Variants in LRRIQ3 observed in about 807,000 individuals in gnomAD.
LRRIQ3 encodes leucine rich repeats and IQ motif containing 3, also known as leucine-rich repeat and IQ domain-containing protein 3.
A neutral mutation model predicts 59.3 loss-of-function variants in LRRIQ3; 75 were observed. The observed-to-expected ratio is 1.26, with a 90% CI of 1.05 to 1.53. The LOEUF is 1.53. Ranked by LOEUF, LRRIQ3 falls within the 40% of genes most tolerant of loss-of-function variation. The pLI, the probability that LRRIQ3 is intolerant of heterozygous loss-of-function variation, is 0.00. For synonymous variants in LRRIQ3, 250 were observed against 231.3 expected, an observed-to-expected ratio of 1.08 and a Z score of -0.73; for missense variants, 831 against 710.0, an observed-to-expected ratio of 1.17 and a Z score of -1.94.
At chr1:74,077,170 A>G (rs1199994647) in intron 5 of LRRIQ3, among the ~76,000 whole-genome samples, 1 of 151,962 alleles carries the variant, frequency 6.6e-6, no homozygotes, top group African/African-American at 2.4e-5. Context: ...TTTCAACCTC[A>G]AATTCTTCTG....
intron 6 of LRRIQ3, among the ~76,000 whole-genome samples, chr1:74,044,354 C>T (rs113762424): frequency 1.1e-4 from 17 of 152,062 alleles, no homozygotes; most frequent in Admixed American, 3.9e-4. Flanking sequence ...GGTGCCCTCT[C>T]GTGATAATGA....
At chr1:74,069,456 C>A (rs1370231109) in intron 6 of LRRIQ3, among the ~76,000 whole-genome samples, 2 of 151,604 alleles carry the variant, frequency 1.3e-5, no homozygotes, top group Non-Finnish European at 1.5e-5. Flanking sequence ...AATGTCTGAC[C>A]TACAGTGTTA....
rs184661789 is a variant in LRRIQ3 at position 74,073,287 on chromosome 1, C to T, written c.997+1374G>A. ...CAGCACTTTGGGAGGCCGAGGCAGG[C>T]GATTGCCTGAGCTCAGGAGTTCAAG... is the stretch of plus-strand genomic sequence containing the variant. On this transcript the variant is annotated intron_variant, in intron 6 of 7. Coordinates refer to ENST00000354431, the MANE Select transcript of LRRIQ3 (RefSeq NM_001105659.2). 3.3e-4 allele frequency among the ~76,000 whole-genome samples: 50 copies of T among 152,012 alleles called. 1 individual carries two copies. The East Asian group carries it at 8.0e-3, about 24-fold the overall frequency.
At chr1:74,048,533 C>A (rs1030214394) in intron 6 of LRRIQ3, among the ~76,000 whole-genome samples, 21 of 152,150 alleles carry the variant, frequency 1.4e-4, no homozygotes, top group Admixed American at 1.2e-3. Context: ...TTCCTAGAAT[C>A]ATTTTGATTC....
At chr1:74,051,569 A>G in intron 6 of LRRIQ3, among the ~76,000 whole-genome samples, 1 of 151,776 alleles carries the variant, frequency 6.6e-6, no homozygotes, top group East Asian at 1.9e-4. Context: ...TGCAACCATA[A>G]GTTATCACCA....
chr1:74,092,230 C>G (rs900773187), intron 5 of LRRIQ3, among the ~76,000 whole-genome samples: 10 of 152,050 alleles, frequency 6.6e-5, no homozygotes, highest in African/African-American at 2.4e-4. Flanking sequence ...CAGTCAGTCA[C>G]TAAGTACTGA....
chr1:74,112,658 G>C (rs1457007137), intron 4 of LRRIQ3, among the ~76,000 whole-genome samples: 1 of 152,132 alleles, frequency 6.6e-6, no homozygotes, highest in Non-Finnish European at 1.5e-5. Context: ...AGAGAAGACA[G>C]TCAAAGAAAG....
chr1:74,084,827 T>C (rs1646309849), intron 5 of LRRIQ3, among the ~76,000 whole-genome samples: 1 of 151,798 alleles, frequency 6.6e-6, no homozygotes, highest in African/African-American at 2.4e-5. Flanking sequence ...CATTAATTTA[T>C]CTATGTGATT....
rs1653533185 is a variant in LRRIQ3, at chr1:74,026,951, T to C, written c.1737A>G (p.Lys579=). ...MKKVRSQEIY[K]RHCEEKFVMD... ...TAACAAATTTTTCTTCACAATGTCT[T>C]TTATATATTTCTTGAGATCTAAGAG... Residue 579 remains lysine, a synonymous_variant, in exon 8 of 8, where the codon AAA becomes AAG. Coordinates refer to ENST00000354431, the MANE Select transcript of LRRIQ3 (RefSeq NM_001105659.2). The C allele has an allele frequency of 6.4e-7, 1 of 1,565,772 alleles. No homozygotes were observed.
chr1:74,028,630 A>AGGTAGTAAAG lies in LRRIQ3; in HGVS notation c.1719-1671_1719-1662dup, dbSNP rs1553160551. On this transcript the variant is annotated intron_variant, in intron 7 of 7. Transcript: ENST00000354431. ...AGTGAAGGCTTATAGTTAAGAGTAC[A>AGGTAGTAAAG]GGTAGTAAAGCCATTCTGCTTGGCT... Among the ~76,000 whole-genome samples, 5 of 151,992 alleles carry AGGTAGTAAAG rather than the reference A, an allele frequency of 3.3e-5. No homozygotes were observed. In the South Asian group the frequency reaches 1.0e-3, roughly 31 times the overall value.
chr1:74,085,098 T>G (rs1646313020), intron 5 of LRRIQ3, among the ~76,000 whole-genome samples: 1 of 151,790 alleles, frequency 6.6e-6, no homozygotes, highest in South Asian at 2.1e-4. Context: ...CATACAAATA[T>G]CACAATGATA....
At chr1:74,037,120 A>G (rs1269965247) in intron 7 of LRRIQ3, among the ~76,000 whole-genome samples, 1 of 152,124 alleles carries the variant, frequency 6.6e-6, no homozygotes, top group Non-Finnish European at 1.5e-5. Flanking sequence ...GTTCTCGCCT[A>G]TTTTCCTCAA....
intron 4 of LRRIQ3, among the ~76,000 whole-genome samples, chr1:74,137,482 T>C (rs1647143582): frequency 6.6e-6 from 1 of 152,080 alleles, no homozygotes. Flanking sequence ...GGAACACTTT[T>C]ACACCATTGG....
chr1:74,043,812 A>G (rs898208676), intron 6 of LRRIQ3, among the ~76,000 whole-genome samples: 1 of 152,148 alleles, frequency 6.6e-6, no homozygotes. Context: ...TCTGAAGAAT[A>G]GTTTCCATTT....
At chr1:74,159,128 C>T (rs1181412853) in intron 3 of LRRIQ3, among the ~76,000 whole-genome samples, 2 of 152,080 alleles carry the variant, frequency 1.3e-5, no homozygotes. Flanking sequence ...ATTCTTTTGC[C>T]TAACCATTAT....
At chr1:74,161,171 C>T (rs768901976) in intron 3 of LRRIQ3, among the ~76,000 whole-genome samples, 8 of 151,872 alleles carry the variant, frequency 5.3e-5, no homozygotes, top group Non-Finnish European at 1.2e-4. Context: ...GGAAAGGGGA[C>T]GGATCTCTCT....
At chr1:74,060,815 G>A (rs936325582) in intron 6 of LRRIQ3, among the ~76,000 whole-genome samples, 12 of 152,128 alleles carry the variant, frequency 7.9e-5, no homozygotes, top group Non-Finnish European at 1.6e-4. Flanking sequence ...GGCATTGAGA[G>A]TGGACAGAGA....
intron 4 of LRRIQ3, among the ~76,000 whole-genome samples, chr1:74,147,460 G>A (rs61777973): frequency 0.02 from 3,076 of 152,190 alleles, 49 homozygotes; most frequent in Non-Finnish European, 0.032. Context: ...TTTGATGTTT[G>A]ATAACATAGG....
At chr1:74,081,928 A>AATTACTC (rs1039308591) in intron 5 of LRRIQ3, 12 of 151,486 alleles carry the variant, frequency 7.9e-5, no homozygotes, top group African/African-American at 2.9e-4. Flanking sequence ...CCCTAGTAAA[A>AATTACTC]ATTACTCTCT....
Sources: allele counts gnomAD v4.1 joint callset (sites outside exome capture counted in the v4.1 genomes callset), GRCh38; gene constraint gnomAD v4.1.1; transcripts MANE v1.5; gene names NCBI Gene and HGNC (gene_info 2026-07-23, HGNC 2026-07-21).